TMEM108: variants seen among roughly 807,000 people sequenced by gnomAD.
TMEM108 encodes the protein transmembrane protein 108, also known as cancer/testis antigen 124.
TMEM108 carries 12 observed loss-of-function variants against 35.1 expected under a neutral mutation model. The ratio of observed to expected loss-of-function variants is 0.34; its 90% confidence interval spans 0.22 to 0.55. TMEM108 has a LOEUF of 0.55. TMEM108 is among the 20% of genes least tolerant of loss of function. The probability of loss-of-function intolerance (pLI) is 0.89; values close to 1 mark genes in which losing one functional copy is unlikely to be tolerated. For missense variants in TMEM108, 680 were observed against 753.3 expected (o/e 0.90, Z 1.14); for synonymous variants, 287 against 308.6 (o/e 0.93, Z 0.73).
At chr3:133,355,935 A>G (rs2072152485) in intron 3 of TMEM108, among the ~76,000 whole-genome samples, 1 of 152,176 alleles carries the variant, frequency 6.6e-6, no homozygotes, top group African/African-American at 2.4e-5. Context: ...TTGATGAAAT[A>G]TGGGACCTAA....
intron 3 of TMEM108, among the ~76,000 whole-genome samples, chr3:133,291,415 G>A (rs1181716160): frequency 1.3e-5 from 2 of 151,956 alleles, no homozygotes; most frequent in Non-Finnish European, 2.9e-5. Context: ...CGTGTAGCTG[G>A]GCTCATAAGC....
chr3:133,275,796 G>T (rs751527279), intron 3 of TMEM108, among the ~76,000 whole-genome samples: 3 of 152,178 alleles, frequency 2.0e-5, no homozygotes, highest in Non-Finnish European at 2.9e-5. Flanking sequence ...GGGTATTGCT[G>T]CCAAGTGAGT....
chr3:133,072,004 TAA>T lies in TMEM108; in HGVS notation c.-47+25985_-47+25986del, dbSNP rs1271051859. 5.9e-5 allele frequency among the ~76,000 whole-genome samples: 9 copies of T among 152,318 alleles called. No homozygotes were observed. The South Asian group carries it at 1.9e-3, about 32-fold the overall frequency. The stretch of plus-strand genomic sequence containing the variant: ...TTGAGTTGATTTCTGGTATATGATG[TAA>T]GACAAGCGTCCAACTTCATTCTTTT... On this transcript the variant is annotated intron_variant, in intron 2 of 5. Transcript: ENST00000321871.
chr3:133,135,969 TAGG>T (rs1278014976), intron 2 of TMEM108, among the ~76,000 whole-genome samples: 2 of 152,130 alleles, frequency 1.3e-5, no homozygotes, highest in East Asian at 3.9e-4. Context: ...TTTGAGATGT[TAGG>T]GGGGATATCT....
chr3:133,221,260 C>T (rs1293442080), intron 2 of TMEM108, among the ~76,000 whole-genome samples: 1 of 151,984 alleles, frequency 6.6e-6, no homozygotes, highest in South Asian at 2.1e-4. Context: ...TGACCAGCCC[C>T]CACCCAGGAG....
chr3:133,300,059 C>A (rs575136660), intron 3 of TMEM108, among the ~76,000 whole-genome samples: 1 of 152,226 alleles, frequency 6.6e-6, no homozygotes, highest in African/African-American at 2.4e-5. Context: ...TAGTTAGAAT[C>A]GGTAGACTAC....
intron 2 of TMEM108, among the ~76,000 whole-genome samples, chr3:133,188,574 C>T (rs55702045): frequency 0.21 from 31,569 of 152,008 alleles, 3,735 homozygotes; most frequent in East Asian, 0.48. Context: ...AAACACTGTC[C>T]GTCTACCAAG....
At chr3:133,136,623 TG>T (rs1321484148) in intron 2 of TMEM108, among the ~76,000 whole-genome samples, 1 of 152,172 alleles carries the variant, frequency 6.6e-6, no homozygotes. Flanking sequence ...ACAGCAGGTG[TG>T]GTGTGTCAGC....
intron 2 of TMEM108, among the ~76,000 whole-genome samples, chr3:133,079,602 T>G (rs1035087639): frequency 2.0e-5 from 3 of 152,156 alleles, no homozygotes; most frequent in Non-Finnish European, 4.4e-5. Context: ...TTCTTGAGAG[T>G]TCATGATCTA....
rs2072949958 is a variant in TMEM108 at position 133,379,868 on chromosome 3, G to A, written c.157G>A (p.Ala53Thr). The A allele has an allele frequency of 6.2e-7, 1 of 1,613,818 alleles. No individual in the cohort carries two copies. The highest frequency in any genetic ancestry group is 1.3e-5 in the African/African-American group (1 of 74,830). Residue 53 changes from alanine to threonine, a missense_variant, in exon 4 of 6, where the codon GCA (alanine) becomes ACA (threonine). Physicochemically the swap from Ala to Thr is moderately conservative, Grantham distance 58 (BLOSUM62 0). This residue lies in a region of TMEM108 where 49 missense variants were observed against 70.6 expected (regional missense o/e 0.69). Transcript: ENST00000321871. ...SGTPPGTMVT[A>T]PHSSTRHTSV... ...CACTCCCCCGGGAACCATGGTGACA[G>A]CACCCCACAGCTCTACCAGACATAC...
intron 3 of TMEM108, among the ~76,000 whole-genome samples, chr3:133,274,260 T>C (rs912482028): frequency 1.3e-5 from 2 of 152,226 alleles, no homozygotes; most frequent in Admixed American, 6.5e-5. Context: ...CATTTTGTTT[T>C]GTTTTTCATA....
intron 2 of TMEM108, among the ~76,000 whole-genome samples, chr3:133,180,891 A>G (rs186619246): frequency 8.6e-5 from 13 of 151,920 alleles, no homozygotes; most frequent in African/African-American, 2.7e-4. Flanking sequence ...GTAAATTCCA[A>G]TTTCAAACAA....
chr3:133,360,234 G>T (rs1402322040), intron 3 of TMEM108, among the ~76,000 whole-genome samples: 1 of 152,110 alleles, frequency 6.6e-6, no homozygotes, highest in Non-Finnish European at 1.5e-5. Context: ...GGAACTTTAT[G>T]GAGAGACAGA....
intron 2 of TMEM108, among the ~76,000 whole-genome samples, chr3:133,221,246 C>G (rs1430203099): frequency 6.6e-6 from 1 of 152,092 alleles, no homozygotes; most frequent in Non-Finnish European, 1.5e-5. Flanking sequence ...CTTGATTTTT[C>G]TGGTGACCAG....
chr3:133,319,701 G>A (rs900501236), intron 3 of TMEM108, among the ~76,000 whole-genome samples: 5 of 152,170 alleles, frequency 3.3e-5, no homozygotes, highest in African/African-American at 1.2e-4. Flanking sequence ...TTGCATCACA[G>A]GACTCTTTGC....
intron 2 of TMEM108, among the ~76,000 whole-genome samples, chr3:133,183,062 C>T (rs1945370130): frequency 6.6e-6 from 1 of 152,048 alleles, no homozygotes; most frequent in South Asian, 2.1e-4. Context: ...ATCCCTAATC[C>T]AAAATCTGAA....
intron 2 of TMEM108, among the ~76,000 whole-genome samples, chr3:133,181,734 G>T (rs761515346): frequency 1.3e-5 from 2 of 152,144 alleles, no homozygotes; most frequent in Non-Finnish European, 2.9e-5. Flanking sequence ...TAGTTAAACC[G>T]AGGAGCAGAC....
At chr3:133,211,139 T>A (rs905945667) in intron 2 of TMEM108, among the ~76,000 whole-genome samples, 1 of 152,164 alleles carries the variant, frequency 6.6e-6, no homozygotes, top group Non-Finnish European at 1.5e-5. Flanking sequence ...GACTATAATA[T>A]TATGAATAAT....
chr3:133,317,178 C>G (rs1466454473), intron 3 of TMEM108, among the ~76,000 whole-genome samples: 1 of 152,136 alleles, frequency 6.6e-6, no homozygotes, highest in Non-Finnish European at 1.5e-5. Flanking sequence ...CCTAATATTA[C>G]CCATCTAATT....
Sources: allele counts gnomAD v4.1 joint callset (sites outside exome capture counted in the v4.1 genomes callset), GRCh38; gene constraint gnomAD v4.1.1; regional missense constraint gnomAD v4.1.1; transcripts MANE v1.5; gene names NCBI Gene and HGNC (gene_info 2026-07-23, HGNC 2026-07-21).